Variants in HMGB1 observed in about 807,000 individuals in gnomAD.
HMGB1 encodes high mobility group protein B1.
For missense variants in HMGB1, 79 were observed against 253.5 expected, an observed-to-expected ratio of 0.31 and a Z score of 4.67; for synonymous variants, 81 against 84.0, an observed-to-expected ratio of 0.96 and a Z score of 0.19.
intron 1 of HMGB1, among the ~76,000 whole-genome samples, chr13:30,509,436 G>T (rs113735265): frequency 6.6e-6 from 1 of 151,892 alleles, no homozygotes; most frequent in South Asian, 2.1e-4. Context: ...ACGGGGTTTC[G>T]CAATGTTGGC....
intron 1 of HMGB1, among the ~76,000 whole-genome samples, chr13:30,474,927 CTCTT>C (rs1403669879): frequency 6.4e-5 from 8 of 124,038 alleles, no homozygotes; most frequent in South Asian, 2.7e-4. Context: ...TTGGCTCACT[CTCTT>C]TCTCTTTTTT....
chr13:30,589,300 C>T (rs956384140), intron 1 of HMGB1, among the ~76,000 whole-genome samples: 4 of 152,114 alleles, frequency 2.6e-5, no homozygotes, highest in South Asian at 2.1e-4. Flanking sequence ...CCACCGCGCC[C>T]GGCCTATCAT....
At chr13:30,504,513 A>G (rs1887806937) in intron 1 of HMGB1, among the ~76,000 whole-genome samples, 1 of 152,132 alleles carries the variant, frequency 6.6e-6, no homozygotes, top group Non-Finnish European at 1.5e-5. Flanking sequence ...GACCTTTATG[A>G]TAAAGCTAGA....
At chr13:30,593,391 T>C (rs1871453740) in intron 1 of HMGB1, among the ~76,000 whole-genome samples, 1 of 152,194 alleles carries the variant, frequency 6.6e-6, no homozygotes, top group Non-Finnish European at 1.5e-5. Flanking sequence ...TTGAATAAAT[T>C]TAGCAGAAGT....
intron 1 of HMGB1, among the ~76,000 whole-genome samples, chr13:30,538,984 C>T (rs1868730842): frequency 6.6e-6 from 1 of 152,112 alleles, no homozygotes; most frequent in South Asian, 2.1e-4. Context: ...GCAACCTCCA[C>T]CTCCCGGGTT....
At chr13:30,554,331 G>A in intron 1 of HMGB1, 1 of 928,840 alleles carries the variant, frequency 1.1e-6, no homozygotes, top group Non-Finnish European at 1.8e-6. Context: ...GAAGGCACTG[G>A]GTGCACGGGC....
At chr13:30,501,290 G>A (rs1463587725) in intron 1 of HMGB1, among the ~76,000 whole-genome samples, 1 of 152,200 alleles carries the variant, frequency 6.6e-6, no homozygotes, top group Non-Finnish European at 1.5e-5. Context: ...GCATTTGAAT[G>A]ATTTAGAACA....
chr13:30,538,714 TC>T lies in HMGB1; in HGVS notation c.-14-75021del, dbSNP rs1205847866. 1.4e-3 allele frequency among the ~76,000 whole-genome samples: 195 copies of T among 142,180 alleles called. 5 individuals are homozygous for T. Among genetic ancestry groups the T allele is most frequent in the South Asian group, 0.012 (54 of 4,326 alleles). 93.3% of individuals were successfully genotyped at this position (142,180 alleles called of 152,430 possible). ...CTTTCTTTCTTTCTTTTTCTTTCTTTCTTCTTTTTCTTTCTTTTTCTTTCTT... is the reference window on the plus strand; with the variant it reads ...CTTTCTTTCTTTCTTTTTCTTTCTTTTTCTTTTTCTTTCTTTTTCTTTCTT... On this transcript the variant is annotated intron_variant, in intron 1 of 4. Transcript: ENST00000405805.
chr13:30,615,194 G>A (rs144896057), intron 1 of HMGB1, among the ~76,000 whole-genome samples: 13 of 152,064 alleles, frequency 8.5e-5, no homozygotes, highest in African/African-American at 2.9e-4. Flanking sequence ...TATGATACAC[G>A]TATTTTTTTC....
In HMGB1 at chr13:30,459,513, TAACA is replaced by T. The variant is rs768707804; in HGVS notation, c.*1840_*1843del. 19 of 145,606 alleles carry T rather than the reference TAACA, an allele frequency of 1.3e-4. No individual in the cohort carries two copies. Among genetic ancestry groups the T allele is most frequent in the Non-Finnish European group, 2.2e-4 (14 of 64,456 alleles). The allele number at this position is 145,606 out of a possible 1,614,324, so 9.0% of individuals were successfully genotyped here. Reference sequence around the variant, plus strand: ...ATCAGATTGAGTCATTTGCTCCTCTTAACAAAAAATCTGATGTTCGACACAATTG... The same window carrying T: ...ATCAGATTGAGTCATTTGCTCCTCTTAAAAATCTGATGTTCGACACAATTG... On this transcript the variant is annotated 3_prime_UTR_variant, in exon 5 of 5. Transcript: ENST00000341423.
chr13:30,572,642 T>C (rs1351898844), intron 1 of HMGB1, among the ~76,000 whole-genome samples: 1 of 152,248 alleles, frequency 6.6e-6, no homozygotes, highest in Non-Finnish European at 1.5e-5. Context: ...ACTTTGCTAA[T>C]TCTTAGTGAC....
At chr13:30,509,349 G>A (rs749355415) in intron 1 of HMGB1, among the ~76,000 whole-genome samples, 5 of 151,404 alleles carry the variant, frequency 3.3e-5, no homozygotes, top group Admixed American at 6.6e-5. Flanking sequence ...TATGATTATC[G>A]TGTCTCAGCC....
intron 1 of HMGB1, among the ~76,000 whole-genome samples, chr13:30,537,684 TATATATATATATAA>T (rs1868515836): frequency 1.7e-5 from 2 of 116,748 alleles, no homozygotes; most frequent in African/African-American, 7.0e-5. Context: ...TATATATATA[TATATATATATATAA>T]AATTGATGTA....
chr13:30,598,267 G>T (rs750591660), intron 1 of HMGB1, among the ~76,000 whole-genome samples: 1 of 152,164 alleles, frequency 6.6e-6, no homozygotes, highest in Non-Finnish European at 1.5e-5. Flanking sequence ...TAACTACCAG[G>T]TACAGTAGAT....
chr13:30,591,267 A>G (rs1245161686), intron 1 of HMGB1, among the ~76,000 whole-genome samples: 1 of 151,766 alleles, frequency 6.6e-6, no homozygotes, highest in Non-Finnish European at 1.5e-5. Context: ...CTTGACCTTA[A>G]ATGATCCACC....
intron 1 of HMGB1, among the ~76,000 whole-genome samples, chr13:30,517,039 T>G (rs1269186111): frequency 1.3e-5 from 2 of 152,216 alleles, no homozygotes; most frequent in African/African-American, 4.8e-5. Context: ...TGTGAAGAAA[T>G]TGAATTTGAA....
At chr13:30,465,039 G>T in intron 1 of HMGB1, 5 of 443,510 alleles carry the variant, frequency 1.1e-5, no homozygotes, top group Non-Finnish European at 1.5e-5. Context: ...GGAGAACGCG[G>T]GGCTGTGAAA....
chr13:30,594,147 C>A (rs530619384), intron 1 of HMGB1, among the ~76,000 whole-genome samples: 8 of 152,296 alleles, frequency 5.3e-5, no homozygotes, highest in Non-Finnish European at 1.2e-4. Flanking sequence ...CGGAAGAGAG[C>A]AAGGCACACA....
intron 1 of HMGB1, among the ~76,000 whole-genome samples, chr13:30,610,882 C>T (rs930496739): frequency 2.0e-5 from 3 of 152,144 alleles, no homozygotes; most frequent in African/African-American, 7.2e-5. Context: ...ATATTAAAGA[C>T]CACCAGTGGC....
Sources: gnomAD v4.1 joint callset for allele counts (sites outside exome capture counted in the v4.1 genomes callset) on GRCh38, gnomAD v4.1.1 for gene constraint, MANE v1.5 for transcripts, NCBI Gene and HGNC (gene_info 2026-07-23, HGNC 2026-07-21) for gene names.